The following SEPTIN9 variants were observed in gnomAD, a reference collection of about 807,000 sequenced individuals.
SEPTIN9 encodes the protein septin-9.
A neutral mutation model predicts 56.6 loss-of-function variants in SEPTIN9; 13 were observed. The ratio of observed to expected loss-of-function variants is 0.23; its 90% CI spans 0.15 to 0.37. SEPTIN9 has a LOEUF of 0.37. SEPTIN9 is among the 10% of genes least tolerant of loss of function. SEPTIN9 has a pLI of 1.00. For missense variants in SEPTIN9, 650 were observed against 823.1 expected (o/e 0.79, Z 2.57); for synonymous variants, 332 against 334.1 (o/e 0.99, Z 0.07).
intron 3 of SEPTIN9, among the ~76,000 whole-genome samples, chr17:77,474,227 C>G (rs955050538): frequency 6.6e-6 from 1 of 152,150 alleles, no homozygotes; most frequent in Admixed American, 6.5e-5. Flanking sequence ...GCAGGGGCCC[C>G]AGGGCAGCTC....
intron 2 of SEPTIN9, among the ~76,000 whole-genome samples, chr17:77,365,111 G>C (rs2034532833): frequency 6.6e-6 from 1 of 152,142 alleles, no homozygotes; most frequent in African/African-American, 2.4e-5. Flanking sequence ...TCAAAACCAA[G>C]AGGGCTGATG....
At chr17:77,485,811 G>A (rs1195254483) in intron 4 of SEPTIN9, among the ~76,000 whole-genome samples, 1 of 152,076 alleles carries the variant, frequency 6.6e-6, no homozygotes, top group Admixed American at 6.5e-5. Flanking sequence ...TGTTATCAAA[G>A]TCAGAACATC....
chr17:77,462,594 C>G (rs201086469), intron 3 of SEPTIN9, among the ~76,000 whole-genome samples: 1 of 152,056 alleles, frequency 6.6e-6, no homozygotes, highest in Admixed American at 6.6e-5. Context: ...TAGGCCTGAA[C>G]AGTTTTTATT....
chr17:77,382,623 G>T (rs1000968227), intron 2 of SEPTIN9, among the ~76,000 whole-genome samples: 1 of 152,252 alleles, frequency 6.6e-6, no homozygotes, highest in Non-Finnish European at 1.5e-5. Context: ...TGTTGGAGAG[G>T]CAGAGGGAGC....
At chr17:77,482,026 C>A in intron 3 of SEPTIN9, 118 bp from the exon 4 acceptor site, 1 of 999,574 alleles carries the variant, frequency 1.0e-6, no homozygotes, top group Non-Finnish European at 1.4e-6. Flanking sequence ...AGTCGCTTAG[C>A]CTTTCTGAGC....
chr17:77,340,426 T>C (rs1233495918), intron 2 of SEPTIN9, among the ~76,000 whole-genome samples: 1 of 152,030 alleles, frequency 6.6e-6, no homozygotes, highest in African/African-American at 2.4e-5. Context: ...CAGGCGTGAG[T>C]TGCCGCACCA....
rs538081474 is a variant in SEPTIN9 at position 77,433,860 on chromosome 17, G to T, written c.721+31157G>T. Reference sequence around the variant, plus strand: ...TTCATTTTCCCTCTCTGCCCCTCCCGCTGGCCCTTCCCATATGGTCCTAAT... The same window carrying T: ...TTCATTTTCCCTCTCTGCCCCTCCCTCTGGCCCTTCCCATATGGTCCTAAT... On this transcript the variant is annotated intron_variant, in intron 3 of 11. Coordinates refer to ENST00000427177, the MANE Select transcript of SEPTIN9 (RefSeq NM_001113491.2). This position sits in a 1 kb window ranked among gnomAD's most constrained non-coding sequence, Gnocchi z 6.4. Among the ~76,000 whole-genome samples the T allele has an allele frequency of 6.6e-6, 1 of 151,700 alleles. No individual in the cohort carries two copies. Among genetic ancestry groups the T allele is most frequent in the South Asian group, 2.1e-4 (1 of 4,804 alleles).
chr17:77,407,643 A>C (rs1169710709), intron 3 of SEPTIN9, among the ~76,000 whole-genome samples: 1 of 152,114 alleles, frequency 6.6e-6, no homozygotes, highest in African/African-American at 2.4e-5. Flanking sequence ...GAGGCGCTGC[A>C]GAGGGCAGAG....
rs144202319 is a variant in SEPTIN9 at position 77,492,760 on chromosome 17, T to G, written c.1476+44T>G. On this transcript the variant is annotated intron_variant, in intron 9 of 11. Transcript: ENST00000427177. The surrounding 1 kb of genome is among the most constrained non-coding windows in gnomAD (Gnocchi z 5.4). ...ATGTTGTTCCCAGGGGACCCCCAGT[T>G]CCTGCTGAAGGGTGGGTTGGGGGTT... 3.1e-5 allele frequency: 48 copies of G among 1,558,088 alleles called. No homozygotes were observed. The highest frequency in any genetic ancestry group is 1.2e-4 in the Admixed American group (7 of 59,938).
At chr17:77,428,701 G>T (rs1458524655) in intron 3 of SEPTIN9, among the ~76,000 whole-genome samples, 3 of 152,126 alleles carry the variant, frequency 2.0e-5, no homozygotes, top group Non-Finnish European at 2.9e-5. Context: ...CTGGATGGGA[G>T]GGTGTTGGCA....
intron 2 of SEPTIN9, among the ~76,000 whole-genome samples, chr17:77,392,537 C>T (rs753639510): frequency 1.5e-4 from 12 of 77,970 alleles, no homozygotes; most frequent in Middle Eastern, 6.0e-3. Context: ...CAGTCAGTAA[C>T]CTTTGGCCAC....
intron 3 of SEPTIN9, among the ~76,000 whole-genome samples, chr17:77,423,842 G>C (rs541047652): frequency 1.3e-5 from 2 of 152,324 alleles, no homozygotes; most frequent in Non-Finnish European, 1.5e-5. Flanking sequence ...GTCAGAGAGA[G>C]GGGAGGAAAG....
chr17:77,457,917 A>G (rs556549719), intron 3 of SEPTIN9, among the ~76,000 whole-genome samples: 31 of 152,326 alleles, frequency 2.0e-4, no homozygotes, highest in African/African-American at 7.5e-4. Context: ...TACAGAATAC[A>G]TGAGGTTTAA....
rs925704727 is a variant in SEPTIN9 at position 77,491,104 on chromosome 17, CAG to C, written c.1380+248_1380+249del. 4.4e-4 allele frequency among the ~76,000 whole-genome samples: 67 copies of C among 152,324 alleles called. 1 individual carries two copies. Among genetic ancestry groups the C allele is most frequent in the Admixed American group, 3.0e-3 (46 of 15,302 alleles). ...CTTTGTGGGAGTGCCAATTCTCCAGCAGAGTCTCTGAGGGGGGTTTTGGAGAA... is the reference window on the plus strand; with the variant it reads ...CTTTGTGGGAGTGCCAATTCTCCAGCAGTCTCTGAGGGGGGTTTTGGAGAA... On this transcript the variant is annotated intron_variant, in intron 8 of 11. Coordinates refer to ENST00000427177, the MANE Select transcript of SEPTIN9 (RefSeq NM_001113491.2).
At chr17:77,472,120 C>T (rs771672504) in intron 3 of SEPTIN9, among the ~76,000 whole-genome samples, 10 of 152,066 alleles carry the variant, frequency 6.6e-5, no homozygotes, top group Admixed American at 1.3e-4. Flanking sequence ...CAATAGGCCG[C>T]GGAGCCTGGG....
At chr17:77,444,552 G>T (rs920788776) in intron 3 of SEPTIN9, among the ~76,000 whole-genome samples, 1 of 152,062 alleles carries the variant, frequency 6.6e-6, no homozygotes, top group African/African-American at 2.4e-5. Flanking sequence ...GAGGCAAGAT[G>T]TGGAGAGGCA....
chr17:77,323,040 T>C lies in SEPTIN9; in HGVS notation c.76+15843T>C, dbSNP rs534397918. On this transcript the variant is annotated intron_variant, in intron 2 of 11. Transcript: ENST00000427177. This position sits in a 1 kb window ranked among gnomAD's most constrained non-coding sequence, Gnocchi z 6.8. Reference sequence around the variant, plus strand: ...CCCAGGAAGGGTTTGTGGGAGGGGGTGGTCCTACCCTGGTGAGTCCACGGT... The same window carrying C: ...CCCAGGAAGGGTTTGTGGGAGGGGGCGGTCCTACCCTGGTGAGTCCACGGT... The C allele has an allele frequency of 2.0e-5, 3 of 151,972 alleles. No individual in the cohort carries two copies. In the South Asian group the frequency reaches 6.2e-4, roughly 32 times the overall value. 9.4% of individuals were successfully genotyped at this position (151,972 alleles called of 1,614,324 possible). A position where few individuals can be genotyped will look rare whatever the true frequency, so the allele number is the denominator to read the frequency against.
chr17:77,339,828 T>C (rs1044135863), intron 2 of SEPTIN9, among the ~76,000 whole-genome samples: 19 of 149,972 alleles, frequency 1.3e-4, no homozygotes, highest in African/African-American at 4.2e-4. Context: ...TTTTTTTTTG[T>C]TGTTGTTTTT....
In SEPTIN9 at chr17:77,462,125, G is replaced by A. The variant is rs867107628; in HGVS notation, c.722-20019G>A. Among the ~76,000 whole-genome samples, 8 of 145,708 alleles carry A rather than the reference G, an allele frequency of 5.5e-5. 1 individual carries two copies. The South Asian group carries it at 1.7e-3, about 31-fold the overall frequency. ...TTTTGGATTCATTGGCTGGGACCCT[G>A]GAAATTAGACTGACAGAGATTAACA... On this transcript the variant is annotated intron_variant, in intron 3 of 11. Transcript: ENST00000427177.
Sources: allele counts gnomAD v4.1 joint callset (sites outside exome capture counted in the v4.1 genomes callset), GRCh38; gene constraint gnomAD v4.1.1; non-coding constraint Gnocchi (gnomAD v3.1); transcripts MANE v1.5; gene names NCBI Gene and HGNC (gene_info 2026-07-23, HGNC 2026-07-21).